The following SMG6 variants were observed in gnomAD, a reference collection of about 807,000 sequenced individuals.
The protein encoded by SMG6 is telomerase-binding protein EST1A.
A neutral mutation model predicts 142.2 loss-of-function variants in SMG6; 66 were observed. The observed-to-expected ratio is 0.46, with a 90% CI of 0.38 to 0.57. SMG6 has a LOEUF of 0.57. Ranked by LOEUF, SMG6 falls within the 20% of genes least tolerant of loss-of-function variation. SMG6 has a pLI of 0.00. For synonymous variants in SMG6, 779 were observed against 702.4 expected (o/e 1.11, Z -1.72); for missense variants, 1,793 against 1,832.0 (o/e 0.98, Z 0.39).
chr17:2,163,249 T>C (rs1425782472), intron 13 of SMG6, among the ~76,000 whole-genome samples: 1 of 152,138 alleles, frequency 6.6e-6, no homozygotes, highest in Admixed American at 6.5e-5. Context: ...TGCAGTGGTA[T>C]GATCACAGCT....
chr17:2,170,371 CT>C (rs1177173523), intron 13 of SMG6, among the ~76,000 whole-genome samples: 1 of 152,220 alleles, frequency 6.6e-6, no homozygotes, highest in Non-Finnish European at 1.5e-5. Flanking sequence ...CGTTAGGACT[CT>C]TCTACTCAGC....
chr17:2,097,165 T>C (rs76777716), intron 13 of SMG6, among the ~76,000 whole-genome samples: 15 of 139,948 alleles, frequency 1.1e-4, no homozygotes, highest in East Asian at 6.1e-4. Context: ...CTTTTCTTTT[T>C]TTTTTTTAGA....
chr17:2,162,528 A>G (rs1361873300), intron 13 of SMG6, among the ~76,000 whole-genome samples: 1 of 150,608 alleles, frequency 6.6e-6, no homozygotes, highest in African/African-American at 2.5e-5. Context: ...AAAAAAAAAA[A>G]AAAAAAAAAA....
intron 6 of SMG6, among the ~76,000 whole-genome samples, chr17:2,284,758 G>A (rs1041776875): frequency 6.6e-5 from 10 of 152,108 alleles, no homozygotes; most frequent in Admixed American, 5.9e-4. Flanking sequence ...AACCTAGAGA[G>A]GTTTCCTTAT....
At chr17:2,252,157 T>C (rs1343405094) in intron 8 of SMG6, among the ~76,000 whole-genome samples, 2 of 151,972 alleles carry the variant, frequency 1.3e-5, no homozygotes. Context: ...CTCACGCCTG[T>C]AATCCCAGCA....
rs761386281 is a variant in SMG6 at position 2,300,473 on chromosome 17, C to T, written c.280G>A (p.Val94Ile). The T allele has an allele frequency of 6.2e-6, 10 of 1,614,118 alleles. No homozygotes were observed. The highest frequency in any genetic ancestry group is 5.0e-5 in the Admixed American group (3 of 60,014). ...CSAVENGTQP[V>I]KDVCKELNNQ... The stretch of plus-strand genomic sequence containing the variant: ...TTCAGTTCCTTGCAGACATCTTTAA[C>T]GGGCTGTGTACCATTTTCAACAGCA... Residue 94 changes from valine (V) to isoleucine (I), a missense_variant, in exon 2 of 19, where the codon GTT (valine) becomes ATT (isoleucine). Around this residue, in one of 3 missense-constraint regions of SMG6, gnomAD observed 1,597 missense variants for 1,584.6 expected, o/e 1.01. Transcript: ENST00000263073.
intron 12 of SMG6, among the ~76,000 whole-genome samples, chr17:2,178,081 C>A (rs2071699940): frequency 6.6e-6 from 1 of 152,112 alleles, no homozygotes; most frequent in Admixed American, 6.6e-5. Flanking sequence ...AAGAATAATA[C>A]CCGGGCTTGA....
At chr17:2,122,804 T>C (rs1317097763) in intron 13 of SMG6, among the ~76,000 whole-genome samples, 2 of 152,186 alleles carry the variant, frequency 1.3e-5, no homozygotes, top group Non-Finnish European at 2.9e-5. Context: ...AAACAATAAA[T>C]GTTTATCTGG....
Position 2,085,995 on chromosome 17 carries a change from T to G in SMG6, c.3358-94A>C. 7.7e-7 allele frequency: 1 copy of G among 1,293,942 alleles called. No individual in the cohort carries two copies. 80.2% of individuals were successfully genotyped at this position (1,293,942 alleles called of 1,614,324 possible). On this transcript the variant is annotated intron_variant, in intron 13 of 18. Coordinates refer to ENST00000263073, the MANE Select transcript of SMG6 (RefSeq NM_017575.5). The surrounding 1 kb of genome is among the most constrained non-coding windows in gnomAD (Gnocchi z 4.1). ...TGCCGGCTGAGGGGCACAGGGGAAC[T>G]GTGTCAAAGCTACCAGGCAAGGGGG...
intron 10 of SMG6, among the ~76,000 whole-genome samples, chr17:2,212,459 G>A (rs1371764017): frequency 1.3e-5 from 2 of 152,124 alleles, no homozygotes; most frequent in African/African-American, 4.8e-5. Flanking sequence ...GGACTGCAGT[G>A]CTGCTGGCCC....
At chr17:2,284,996 T>C (rs571630853) in intron 6 of SMG6, among the ~76,000 whole-genome samples, 2 of 152,214 alleles carry the variant, frequency 1.3e-5, no homozygotes, top group Admixed American at 6.5e-5. Flanking sequence ...AAAACAGAGA[T>C]ACAACTTACA....
At chr17:2,298,773 C>T (rs2075201876) in intron 2 of SMG6, 133 bp downstream of exon 2, 6 of 796,762 alleles carry the variant, frequency 7.5e-6, no homozygotes, top group Non-Finnish European at 1.2e-5. Context: ...TCCAACTGCC[C>T]TTCCCTTACA....
chr17:2,244,541 C>A, intron 9 of SMG6, 117 bp downstream of exon 9: 1 of 717,628 alleles, frequency 1.4e-6, no homozygotes, highest in South Asian at 1.6e-5. Context: ...AAGGTGGAGG[C>A]CTCTAAGAAT....
chr17:2,301,961 T>G (rs1479066977), intron 1 of SMG6, among the ~76,000 whole-genome samples: 1 of 151,108 alleles, frequency 6.6e-6, no homozygotes, highest in Admixed American at 6.6e-5. Context: ...CTATATAAAA[T>G]CCTAGCATAG....
At chr17:2,277,845 G>A (rs1283742433) in intron 8 of SMG6, among the ~76,000 whole-genome samples, 3 of 152,120 alleles carry the variant, frequency 2.0e-5, no homozygotes, top group Non-Finnish European at 2.9e-5. Flanking sequence ...AAAAGTTTGA[G>A]ACCAGCCTAA....
At chr17:2,108,342 C>G (rs536369881) in intron 13 of SMG6, among the ~76,000 whole-genome samples, 1 of 152,162 alleles carries the variant, frequency 6.6e-6, no homozygotes, top group South Asian at 2.1e-4. Flanking sequence ...TCTTGCCAGG[C>G]GCAGTGACTC....
intron 10 of SMG6, among the ~76,000 whole-genome samples, chr17:2,208,230 C>CATTCA (rs2072747051): frequency 6.6e-6 from 1 of 152,144 alleles, no homozygotes; most frequent in Non-Finnish European, 1.5e-5. Flanking sequence ...CCTGAATGGC[C>CATTCA]ATTCTCCTAC....
chr17:2,290,316 T>C (rs755514635), intron 6 of SMG6, among the ~76,000 whole-genome samples: 2 of 152,204 alleles, frequency 1.3e-5, no homozygotes, highest in Non-Finnish European at 2.9e-5. Flanking sequence ...TATGCAAATA[T>C]AGTCAGCTGG....
chr17:2,092,957 A>T (rs916752339), intron 13 of SMG6, among the ~76,000 whole-genome samples: 2 of 152,160 alleles, frequency 1.3e-5, no homozygotes, highest in African/African-American at 4.8e-5. Context: ...GCACTTGGGG[A>T]GGCTGAGGCA....
Sources: gnomAD v4.1 joint callset for allele counts (sites outside exome capture counted in the v4.1 genomes callset) on GRCh38, gnomAD v4.1.1 for gene constraint, gnomAD v4.1.1 regional missense constraint, Gnocchi (gnomAD v3.1) non-coding constraint, MANE v1.5 for transcripts, NCBI Gene and HGNC (gene_info 2026-07-23, HGNC 2026-07-21) for gene names.